HORMAD2: variants seen among roughly 807,000 people sequenced by gnomAD.
The protein encoded by HORMAD2 is HORMA domain containing 2.
HORMAD2 carries 45 observed loss-of-function variants against 38.8 expected under a neutral mutation model. That is an observed-to-expected ratio of 1.16 (90% CI 0.91 to 1.49). The LOEUF is 1.49. Ranked by LOEUF, HORMAD2 falls within the 40% of genes most tolerant of loss-of-function variation. The pLI is 0.00. For synonymous variants in HORMAD2, 126 were observed against 122.8 expected, an observed-to-expected ratio of 1.03 and a Z score of -0.17; for missense variants, 338 against 367.0, an observed-to-expected ratio of 0.92 and a Z score of 0.65.
At chr22:30,123,453 C>T (rs549141240) in intron 10 of HORMAD2, among the ~76,000 whole-genome samples, 12 of 152,092 alleles carry the variant, frequency 7.9e-5, no homozygotes, top group Admixed American at 3.9e-4. Flanking sequence ...CTCAGCCTCT[C>T]GAGTAGCTGG....
chr22:30,144,826 C>T (rs374635492), intron 10 of HORMAD2, among the ~76,000 whole-genome samples: 1 of 152,184 alleles, frequency 6.6e-6, no homozygotes, highest in South Asian at 2.1e-4. Flanking sequence ...TCACCATGAG[C>T]CCCCACCTCA....
chr22:30,199,690 G>A, the HORMAD2 span, among the ~76,000 whole-genome samples: 2 of 150,448 alleles, frequency 1.3e-5, no homozygotes, highest in Admixed American at 1.3e-4. Context: ...TTCCCTTTCA[G>A]GATTTTGTTA....
rs774629540 is a variant in HORMAD2, at chr22:30,176,024, T to A, written c.820-39T>A. On this transcript the variant is annotated intron_variant, in intron 10 of 10. Transcript: ENST00000336726. ...TATATGTCTTGTGCAGATGTCAAAATCTCTGCTGAATTGTGCCTCTCTCTG... is the reference window on the plus strand; with the variant it reads ...TATATGTCTTGTGCAGATGTCAAAAACTCTGCTGAATTGTGCCTCTCTCTG... 11 of 1,340,748 alleles carry A rather than the reference T, an allele frequency of 8.2e-6. 1 individual carries two copies. Among genetic ancestry groups the A allele is most frequent in the Non-Finnish European group, 1.2e-5 (11 of 932,918 alleles). The allele number at this position is 1,340,748 out of a possible 1,614,324, so 83.1% of individuals were successfully genotyped here.
chr22:30,089,086 T>C (rs991467143), intron 1 of HORMAD2, among the ~76,000 whole-genome samples: 6 of 152,154 alleles, frequency 3.9e-5, no homozygotes, highest in Non-Finnish European at 8.8e-5. Context: ...GAAAGAAATT[T>C]AATATTACCA....
chr22:30,156,141 CT>C (rs1925059908), intron 10 of HORMAD2, among the ~76,000 whole-genome samples: 1 of 152,244 alleles, frequency 6.6e-6, no homozygotes, highest in Admixed American at 6.5e-5. Context: ...CCTCCTCACA[CT>C]GCACAGGCTC....
At chr22:30,110,597 G>A (rs568853991) in intron 5 of HORMAD2, among the ~76,000 whole-genome samples, 3 of 151,798 alleles carry the variant, frequency 2.0e-5, no homozygotes, top group African/African-American at 7.2e-5. Context: ...TGTTTCCCAG[G>A]CTGATCCCAA....
chr22:30,164,427 G>C (rs1391464416), intron 10 of HORMAD2, among the ~76,000 whole-genome samples: 3 of 152,130 alleles, frequency 2.0e-5, no homozygotes, highest in Non-Finnish European at 4.4e-5. Context: ...CAATGCACAA[G>C]GGTTCCAGTT....
At chr22:30,181,940 A>G (rs1243902986), downstream of HORMAD2, among the ~76,000 whole-genome samples, 4 of 152,242 alleles carry the variant, frequency 2.6e-5, no homozygotes, top group African/African-American at 9.6e-5. Flanking sequence ...TTCGGATAAG[A>G]ATTGAACCAA....
At chr22:30,167,002 T>C (rs369486431) in intron 10 of HORMAD2, among the ~76,000 whole-genome samples, 2 of 152,210 alleles carry the variant, frequency 1.3e-5, no homozygotes, top group East Asian at 3.9e-4. Flanking sequence ...AAATGTATTC[T>C]CTCACAATTC....
chr22:30,167,457 A>G (rs1190452919), intron 10 of HORMAD2, among the ~76,000 whole-genome samples: 1 of 152,204 alleles, frequency 6.6e-6, no homozygotes, highest in East Asian at 1.9e-4. Flanking sequence ...AGTAGGAATT[A>G]TGATAACTGT....
intron 8 of HORMAD2, among the ~76,000 whole-genome samples, chr22:30,120,658 A>G (rs1028909623): frequency 6.6e-6 from 1 of 152,198 alleles, no homozygotes; most frequent in Non-Finnish European, 1.5e-5. Context: ...TGTTGATTGA[A>G]TAGCTGGGCA....
chr22:30,187,009 C>G, the HORMAD2 span, among the ~76,000 whole-genome samples: 1 of 152,162 alleles, frequency 6.6e-6, no homozygotes, highest in Non-Finnish European at 1.5e-5. Flanking sequence ...AGCATCCACT[C>G]TAACTACGTT....
At chr22:30,148,815 T>C (rs1225805616) in intron 10 of HORMAD2, among the ~76,000 whole-genome samples, 1 of 152,090 alleles carries the variant, frequency 6.6e-6, no homozygotes, top group Non-Finnish European at 1.5e-5. Flanking sequence ...CCATCCTGGC[T>C]AACACGGTGA....
rs1226931778 is a variant in HORMAD2 at position 30,098,919 on chromosome 22, C to G, written c.119C>G (p.Ala40Gly). 2 of 1,613,302 alleles carry G rather than the reference C, an allele frequency of 1.2e-6. No homozygotes were observed. The highest frequency in any genetic ancestry group is 2.2e-5 in the South Asian group (2 of 91,056). Reference sequence around the variant, plus strand: ...TTGAAAATGGTGAAGAAACTTTTTGCTACTTCCATCTCATGTATAACATAC... The same window carrying G: ...TTGAAAATGGTGAAGAAACTTTTTGGTACTTCCATCTCATGTATAACATAC... Reference protein sequence around the residue: ...ESLKMVKKLFATSISCITYLR... With the variant: ...ESLKMVKKLFGTSISCITYLR... The change falls in exon 3 of 11, where the codon GCT (alanine) becomes GGT (glycine). Residue 40 changes from alanine (A) to glycine (G), a missense_variant. By Grantham distance (60) the Ala-to-Gly change is moderately conservative. Transcript: ENST00000336726.
chr22:30,183,193 A>G, the HORMAD2 span, among the ~76,000 whole-genome samples: 1 of 152,230 alleles, frequency 6.6e-6, no homozygotes, highest in Admixed American at 6.5e-5. Context: ...CCAGGAGACT[A>G]TTGCATTAAT....
intron 10 of HORMAD2, among the ~76,000 whole-genome samples, chr22:30,128,369 T>G (rs1569101766): frequency 6.6e-6 from 1 of 152,306 alleles, no homozygotes; most frequent in East Asian, 1.9e-4. Context: ...TATATGTGAA[T>G]TTATTTTACT....
At chr22:30,130,715 C>A (rs183800665) in intron 10 of HORMAD2, among the ~76,000 whole-genome samples, 1 of 151,372 alleles carries the variant, frequency 6.6e-6, no homozygotes, top group Admixed American at 6.6e-5. Context: ...CTCAGCCACC[C>A]GAGTAACTGG....
intron 10 of HORMAD2, among the ~76,000 whole-genome samples, chr22:30,165,389 G>C (rs150692249): frequency 6.6e-6 from 1 of 152,260 alleles, no homozygotes; most frequent in East Asian, 1.9e-4. Context: ...GTCATTTGGA[G>C]ATCCTTGAGA....
intron 10 of HORMAD2, among the ~76,000 whole-genome samples, chr22:30,135,272 A>T (rs1477574398): frequency 1.3e-5 from 2 of 152,034 alleles, no homozygotes; most frequent in East Asian, 3.9e-4. Flanking sequence ...ATATGAAGCA[A>T]CTGTTTTTGG....
Sources: allele counts gnomAD v4.1 joint callset (sites outside exome capture counted in the v4.1 genomes callset), GRCh38; gene constraint gnomAD v4.1.1; transcripts MANE v1.5; gene names NCBI Gene and HGNC (gene_info 2026-07-23, HGNC 2026-07-21).